The following RBFOX1 variants were observed in gnomAD, a reference collection of about 807,000 sequenced individuals.
The protein encoded by RBFOX1 is RNA binding fox-1 homolog 1.
Under a neutral mutation model 57.7 loss-of-function variants are expected in RBFOX1, and 8 were observed. The observed-to-expected ratio is 0.14, with a 90% confidence interval of 0.08 to 0.25. RBFOX1 has a LOEUF of 0.25. RBFOX1 is among the 10% of genes least tolerant of loss of function. RBFOX1 has a pLI of 1.00. For missense variants in RBFOX1, 611 were observed against 548.5 expected (o/e 1.11, Z -1.14); for synonymous variants, 326 against 222.4 (o/e 1.47, Z -4.15).
intron 3 of RBFOX1, among the ~76,000 whole-genome samples, chr16:6,762,002 C>G (rs771871343): frequency 6.6e-6 from 1 of 152,074 alleles, no homozygotes; most frequent in Admixed American, 6.5e-5. Flanking sequence ...CGCTCAAGCT[C>G]GACAACTCTA....
chr16:6,804,735 A>T (rs952536875), intron 3 of RBFOX1, among the ~76,000 whole-genome samples: 16 of 152,158 alleles, frequency 1.1e-4, no homozygotes, highest in African/African-American at 3.6e-4. Context: ...TGTTTACTTC[A>T]TGAGAGCCCT....
chr16:6,307,719 C>T (rs938507079), intron 1 of RBFOX1, among the ~76,000 whole-genome samples: 1 of 144,788 alleles, frequency 6.9e-6, no homozygotes, highest in Non-Finnish European at 1.5e-5. Flanking sequence ...TTATATATTT[C>T]TCTATTTTGA....
At chr16:6,375,028 CT>C (rs1304171777) in intron 2 of RBFOX1, among the ~76,000 whole-genome samples, 1 of 152,140 alleles carries the variant, frequency 6.6e-6, no homozygotes, top group African/African-American at 2.4e-5. Context: ...TTATTTGCTC[CT>C]TTTTTACATT....
At chr16:7,273,090 CCTCCCTCCCT>C in intron 4 of RBFOX1, among the ~76,000 whole-genome samples, 1 of 124,190 alleles carries the variant, frequency 8.1e-6, no homozygotes, top group African/African-American at 3.3e-5. Context: ...TTCCGCTCTC[CCTCCCTCCCT>C]TTCCTCCTTC....
At position 5,375,527 on chromosome 16, in the gene RBFOX1, C is replaced by T. The variant is rs540037133; in HGVS notation, c.220-91689C>T. ...AGGGGGCAGGGGAGGGAGAGGACTG[C>T]GAGGTGTGTACATGGAGATCTCTCA... On this transcript the variant is annotated intron_variant, in intron 1 of 2. Transcript: ENST00000585867. Among the ~76,000 whole-genome samples the T allele has an allele frequency of 3.3e-5, 5 of 152,144 alleles. No homozygotes were observed. The South Asian group carries it at 6.2e-4, about 19-fold the overall frequency.
chr16:5,742,956 C>T (rs964277805), intron 3 of RBFOX1, among the ~76,000 whole-genome samples: 1 of 152,194 alleles, frequency 6.6e-6, no homozygotes, highest in Admixed American at 6.5e-5. Flanking sequence ...GGACAACAGA[C>T]ACTGAACGTG....
chr16:6,211,179 TTTC>T (rs1258146080), intron 1 of RBFOX1, among the ~76,000 whole-genome samples: 26 of 143,424 alleles, frequency 1.8e-4, no homozygotes, highest in East Asian at 5.9e-4. Flanking sequence ...GACAGAGTGT[TTTC>T]TTCTTCTTTT....
chr16:6,500,769 A>T (rs1410289150), intron 2 of RBFOX1, among the ~76,000 whole-genome samples: 2 of 152,056 alleles, frequency 1.3e-5, no homozygotes, highest in African/African-American at 4.8e-5. Context: ...TCTCCTCACA[A>T]AGATTATAAA....
chr16:6,371,443 T>C (rs1335792316), intron 2 of RBFOX1, among the ~76,000 whole-genome samples: 1 of 152,206 alleles, frequency 6.6e-6, no homozygotes, highest in African/African-American at 2.4e-5. Flanking sequence ...TCGGTTACTT[T>C]CGTTATTTGT....
intron 3 of RBFOX1, among the ~76,000 whole-genome samples, chr16:5,713,688 C>T (rs1396977868): frequency 1.3e-5 from 2 of 152,196 alleles, no homozygotes; most frequent in African/African-American, 4.8e-5. Flanking sequence ...TAAGTTCTTG[C>T]TCTATGTCAT....
chr16:7,607,181 A>T (rs575752223), intron 9 of RBFOX1, 104 bp from the exon 10 acceptor site: 2 of 1,055,288 alleles, frequency 1.9e-6, no homozygotes, highest in Non-Finnish European at 2.8e-6. Flanking sequence ...ACATTTTAAA[A>T]TACAAAATGA....
At chr16:7,004,953 G>C (rs1161310192) in intron 3 of RBFOX1, among the ~76,000 whole-genome samples, 2 of 152,118 alleles carry the variant, frequency 1.3e-5, no homozygotes, top group East Asian at 3.9e-4. Context: ...AGACCAGCTT[G>C]GCCAACATGG....
At chr16:6,510,931 G>A (rs2096243648) in intron 2 of RBFOX1, among the ~76,000 whole-genome samples, 1 of 152,056 alleles carries the variant, frequency 6.6e-6, no homozygotes, top group Non-Finnish European at 1.5e-5. Flanking sequence ...AAGCATGAAA[G>A]ACAAGGAGTG....
At chr16:7,034,240 T>C (rs1221124630) in intron 3 of RBFOX1, among the ~76,000 whole-genome samples, 1 of 152,142 alleles carries the variant, frequency 6.6e-6, no homozygotes, top group African/African-American at 2.4e-5. Context: ...TCCATCTCAG[T>C]GCTCTCATCT....
At chr16:5,899,349 C>T (rs12446993) in intron 4 of RBFOX1, among the ~76,000 whole-genome samples, 23,956 of 151,884 alleles carry the variant, frequency 0.16, 2,025 homozygotes, top group Middle Eastern at 0.29. Flanking sequence ...AGAAGCTGTC[C>T]ATTATAGGGG....
intron 3 of RBFOX1, among the ~76,000 whole-genome samples, chr16:6,843,416 T>C (rs547729608): frequency 6.6e-6 from 1 of 152,124 alleles, no homozygotes; most frequent in Non-Finnish European, 1.5e-5. Context: ...TGGCCAGACA[T>C]GGTGGCTTAC....
intron 3 of RBFOX1, among the ~76,000 whole-genome samples, chr16:6,782,776 C>G (rs557484009): frequency 2.0e-5 from 3 of 152,232 alleles, no homozygotes; most frequent in Admixed American, 1.3e-4. Flanking sequence ...TCAGATGTGT[C>G]TTTGTTAATT....
intron 4 of RBFOX1, among the ~76,000 whole-genome samples, chr16:7,346,316 A>G (rs2097004201): frequency 1.3e-5 from 2 of 151,944 alleles, no homozygotes; most frequent in South Asian, 4.2e-4. Context: ...ACGTCTATAG[A>G]GTAAACCACG....
chr16:6,831,772 A>G (rs1204468197), intron 3 of RBFOX1, among the ~76,000 whole-genome samples: 1 of 152,096 alleles, frequency 6.6e-6, no homozygotes, highest in Non-Finnish European at 1.5e-5. Flanking sequence ...CCATTTCCAC[A>G]TCTTTGGGAA....
Sources: gnomAD v4.1 joint callset for allele counts (sites outside exome capture counted in the v4.1 genomes callset) on GRCh38, gnomAD v4.1.1 for gene constraint, MANE v1.5 for transcripts, NCBI Gene and HGNC (gene_info 2026-07-23, HGNC 2026-07-21) for gene names.